ADAMTSL3: variants seen among roughly 807,000 people sequenced by gnomAD.
ADAMTSL3 encodes the protein ADAMTS-like protein 3.
In ADAMTSL3, 128 loss-of-function variants were observed where a neutral mutation model predicts 201.7. That is an observed-to-expected ratio of 0.63 (90% CI 0.55 to 0.73). The LOEUF (loss-of-function observed/expected upper bound fraction) is 0.73, where lower values mean the gene tolerates loss of function less well. ADAMTSL3 is among the 30% of genes least tolerant of loss of function. The probability of loss-of-function intolerance (pLI) is 0.00; values close to 1 mark genes in which losing one functional copy is unlikely to be tolerated. For synonymous variants in ADAMTSL3, 738 were observed against 748.4 expected, an observed-to-expected ratio of 0.99 and a Z score of 0.23; for missense variants, 1,990 against 2,119.6, an observed-to-expected ratio of 0.94 and a Z score of 1.20.
At chr15:83,852,898 C>T (rs2064649024) in intron 7 of ADAMTSL3, among the ~76,000 whole-genome samples, 2 of 152,042 alleles carry the variant, frequency 1.3e-5, no homozygotes, top group South Asian at 4.1e-4. Context: ...ACTCTGTCGC[C>T]CAGGCTGGAA....
chr15:83,689,804 A>G (rs2061588021), intron 2 of ADAMTSL3, among the ~76,000 whole-genome samples: 1 of 152,050 alleles, frequency 6.6e-6, no homozygotes, highest in African/African-American at 2.4e-5. Flanking sequence ...CCTTTCTTTT[A>G]CTATTCTTTG....
At chr15:84,021,261 A>G (rs565550465) in intron 25 of ADAMTSL3, 149 bp from the exon 26 acceptor site, 4 of 750,092 alleles carry the variant, frequency 5.3e-6, no homozygotes, top group South Asian at 3.8e-5. Context: ...TAAGATTTAG[A>G]GGACTCCCTT....
chr15:83,861,431 G>C (rs914875134), intron 8 of ADAMTSL3: 1 of 164,036 alleles, frequency 6.1e-6, no homozygotes, highest in Non-Finnish European at 1.3e-5. Context: ...AAAACTTCCA[G>C]AGGAACGATC....
At chr15:83,878,978 C>G (rs59932847) in intron 9 of ADAMTSL3, among the ~76,000 whole-genome samples, 2,472 of 151,858 alleles carry the variant, frequency 0.016, 72 homozygotes, top group African/African-American at 0.057. Context: ...TTTAGATTTT[C>G]TTATTTCTTA....
At chr15:83,858,867 T>G (rs1204679320) in intron 8 of ADAMTSL3, 27 bp downstream of exon 8, 1 of 1,558,662 alleles carries the variant, frequency 6.4e-7, no homozygotes. Flanking sequence ...CTTAACATTT[T>G]TTAATATCCT....
intron 3 of ADAMTSL3, among the ~76,000 whole-genome samples, chr15:83,753,509 A>G (rs2062671741): frequency 1.3e-5 from 2 of 152,104 alleles, no homozygotes; most frequent in African/African-American, 2.4e-5. Flanking sequence ...GTGCCCCTAA[A>G]ATGTGGTCTG....
intron 3 of ADAMTSL3, among the ~76,000 whole-genome samples, chr15:83,760,396 C>A (rs759681812): frequency 2.0e-5 from 3 of 151,992 alleles, no homozygotes; most frequent in Non-Finnish European, 4.4e-5. Context: ...ATTTTTGAGA[C>A]TTTTCTATAT....
At chr15:83,788,023 A>G (rs980526359) in intron 4 of ADAMTSL3, among the ~76,000 whole-genome samples, 7 of 152,158 alleles carry the variant, frequency 4.6e-5, no homozygotes, top group African/African-American at 1.7e-4. Flanking sequence ...ATGCCTCTAT[A>G]CTATTCACAG....
intron 3 of ADAMTSL3, among the ~76,000 whole-genome samples, chr15:83,734,772 GC>G (rs1278904375): frequency 2.6e-5 from 4 of 152,110 alleles, no homozygotes; most frequent in Admixed American, 2.6e-4. Context: ...TGCCCAGATT[GC>G]CCCCAGGGGT....
At chr15:83,655,064 A>G (rs933616703) in intron 1 of ADAMTSL3, among the ~76,000 whole-genome samples, 4 of 152,130 alleles carry the variant, frequency 2.6e-5, no homozygotes, top group African/African-American at 9.7e-5. Context: ...AGTAAGGGAA[A>G]AAGTCCCCGC....
chr15:84,010,018 G>A (rs1698141943), intron 23 of ADAMTSL3, among the ~76,000 whole-genome samples: 1 of 152,182 alleles, frequency 6.6e-6, no homozygotes, highest in Admixed American at 6.5e-5. Flanking sequence ...TCACTAATTT[G>A]GACTGATTGT....
At chr15:84,031,459 A>G in intron 28 of ADAMTSL3, 27 bp downstream of exon 28, 3 of 1,596,626 alleles carry the variant, frequency 1.9e-6, no homozygotes, top group Non-Finnish European at 2.6e-6. Flanking sequence ...AGAGCAGCAC[A>G]CATTCTCTCC....
chr15:83,997,563 C>T (rs540566099), intron 23 of ADAMTSL3, among the ~76,000 whole-genome samples: 16 of 151,964 alleles, frequency 1.1e-4, no homozygotes, highest in Non-Finnish European at 1.6e-4. Flanking sequence ...CTCTCCAGCC[C>T]GGGCAACAAG....
intron 23 of ADAMTSL3, 83 bp from the exon 24 acceptor site, chr15:84,014,459 A>C: frequency 7.6e-7 from 1 of 1,309,000 alleles, no homozygotes; most frequent in Non-Finnish European, 1.1e-6. Context: ...TTACGGTCAA[A>C]ACAGTGAATG....
intron 3 of ADAMTSL3, among the ~76,000 whole-genome samples, chr15:83,725,137 T>C (rs1487492836): frequency 6.6e-6 from 1 of 152,200 alleles, no homozygotes; most frequent in Non-Finnish European, 1.5e-5. Context: ...CATACTGTTC[T>C]CCATAGTGGT....
At chr15:83,844,532 TG>T (rs1188713408) in intron 7 of ADAMTSL3, among the ~76,000 whole-genome samples, 1 of 152,190 alleles carries the variant, frequency 6.6e-6, no homozygotes, top group Non-Finnish European at 1.5e-5. Flanking sequence ...CTTTCTAGGG[TG>T]AGATTCTGGC....
At chr15:83,680,883 T>C (rs1284022967) in intron 2 of ADAMTSL3, among the ~76,000 whole-genome samples, 1 of 152,160 alleles carries the variant, frequency 6.6e-6, no homozygotes, top group Non-Finnish European at 1.5e-5. Flanking sequence ...ATGTTTTCTT[T>C]AATTTCCTTA....
intron 2 of ADAMTSL3, among the ~76,000 whole-genome samples, chr15:83,660,193 A>C (rs1362795463): frequency 6.6e-6 from 1 of 152,198 alleles, no homozygotes; most frequent in Admixed American, 6.5e-5. Flanking sequence ...ACATGAGGAC[A>C]AAAGAAGTGC....
intron 15 of ADAMTSL3, among the ~76,000 whole-genome samples, chr15:83,906,033 G>GC (rs1487925220): frequency 2.0e-5 from 3 of 151,926 alleles, no homozygotes; most frequent in African/African-American, 7.2e-5. Flanking sequence ...TTAACCAACT[G>GC]CCCCTAGCAC....
Sources: allele counts gnomAD v4.1 joint callset (sites outside exome capture counted in the v4.1 genomes callset), GRCh38; gene constraint gnomAD v4.1.1; transcripts MANE v1.5; gene names NCBI Gene and HGNC (gene_info 2026-07-23, HGNC 2026-07-21).